The following TG variants were observed in gnomAD, a reference collection of about 807,000 sequenced individuals.
TG encodes thyroglobulin.
In TG, 270 loss-of-function variants were observed where a neutral mutation model predicts 324.7. That is an observed-to-expected ratio of 0.83 (90% CI 0.75 to 0.92). TG has a LOEUF of 0.92. Ranked by LOEUF, TG falls within the 40% of genes least tolerant of loss-of-function variation. The probability of loss-of-function intolerance (pLI) is 0.00; values close to 1 mark genes in which losing one functional copy is unlikely to be tolerated. For missense variants in TG, 3,591 were observed against 3,456.4 expected (o/e 1.04, Z -0.98); for synonymous variants, 1,401 against 1,327.0 (o/e 1.06, Z -1.21).
In TG at chr8:133,095,126, G is replaced by T. The variant is rs984956668; in HGVS notation, c.7322G>T (p.Ser2441Ile). The T allele has an allele frequency of 1.2e-6, 2 of 1,614,214 alleles. No individual in the cohort carries two copies. The highest frequency in any genetic ancestry group is 2.2e-5 in the South Asian group (2 of 91,088). The change falls in exon 42 of 48, where the codon AGT becomes ATT. Residue 2441 changes from serine to isoleucine, a missense_variant. Physicochemically the swap from Ser to Ile is moderately radical, Grantham distance 142. Transcript: ENST00000220616. The stretch of plus-strand genomic sequence containing the variant: ...GCAATTGCTTTGGCAAAGGAGGTCA[G>T]TTGCCCCATGTCATCCAGCCAAGAA... Reference protein sequence around the residue: ...QQAIALAKEVSCPMSSSQEVV... With the variant: ...QQAIALAKEVICPMSSSQEVV...
At chr8:133,042,050 G>A (rs573948637) in intron 41 of TG, among the ~76,000 whole-genome samples, 3 of 152,000 alleles carry the variant, frequency 2.0e-5, no homozygotes, top group East Asian at 3.9e-4. Context: ...GCCTCCCAAA[G>A]TGCTGGGATT....
At chr8:133,086,791 A>G (rs1351991793) in intron 41 of TG, among the ~76,000 whole-genome samples, 1 of 152,166 alleles carries the variant, frequency 6.6e-6, no homozygotes, top group South Asian at 2.1e-4. Context: ...CAATATTGTT[A>G]TGTTCCTTAC....
intron 11 of TG, among the ~76,000 whole-genome samples, chr8:132,896,316 G>A (rs983256150): frequency 6.6e-6 from 1 of 152,206 alleles, no homozygotes; most frequent in Non-Finnish European, 1.5e-5. Flanking sequence ...CACTGTATGG[G>A]GCTGCTTCAG....
chr8:132,869,675 C>CA, intron 2 of TG, 54 bp from the exon 3 acceptor site: 1 of 1,453,424 alleles, frequency 6.9e-7, no homozygotes, highest in South Asian at 1.1e-5. Flanking sequence ...TGGGAGCCGG[C>CA]ATGTGGCTTT....
intron 40 of TG, among the ~76,000 whole-genome samples, chr8:133,023,092 G>T (rs547629162): frequency 6.6e-6 from 1 of 152,280 alleles, no homozygotes; most frequent in African/African-American, 2.4e-5. Flanking sequence ...CTAAGTGTGG[G>T]TGGGTGAATG....
At chr8:132,983,552 A>G in intron 35 of TG, 140 bp downstream of exon 35, 1 of 866,590 alleles carries the variant, frequency 1.2e-6, no homozygotes, top group Non-Finnish European at 2.0e-6. Flanking sequence ...AATTAAACAC[A>G]TGTATAAGTG....
chr8:132,869,933 G>A (rs1839327678), intron 3 of TG, 107 bp downstream of exon 3: 2 of 921,024 alleles, frequency 2.2e-6, no homozygotes, highest in South Asian at 3.0e-5. Flanking sequence ...CTCCCTCTGG[G>A]CTGCTGGCTT....
chr8:132,888,594 A>AAT, intron 10 of TG, 26 bp downstream of exon 10: 1 of 1,460,040 alleles, frequency 6.8e-7, no homozygotes, highest in Non-Finnish European at 9.3e-7. Flanking sequence ...TGAAGAGTTA[A>AAT]ATGTGTGTGT....
chr8:132,932,800 CCTTGCAGGGCTG>C (rs772876381), intron 23 of TG, among the ~76,000 whole-genome samples: 7 of 152,184 alleles, frequency 4.6e-5, no homozygotes, highest in Non-Finnish European at 8.8e-5. Flanking sequence ...TCATTCAATC[CCTTGCAGGGCTG>C]CTGTCTGCTC....
chr8:132,902,725 C>A (rs1253473966), intron 16 of TG, among the ~76,000 whole-genome samples: 1 of 152,158 alleles, frequency 6.6e-6, no homozygotes, highest in Non-Finnish European at 1.5e-5. Context: ...ATCCAACTTC[C>A]AGGTCATCTA....
chr8:132,896,837 A>C (rs922595739), intron 11 of TG, among the ~76,000 whole-genome samples: 15 of 152,164 alleles, frequency 9.9e-5, no homozygotes, highest in African/African-American at 3.6e-4. Flanking sequence ...CAAATCTAAC[A>C]CAATAAATGG....
rs534203342 is a variant in TG, at chr8:132,994,681, G to A, written c.6262+11269G>A. 2.2e-5 allele frequency: 28 copies of A among 1,287,142 alleles called. No homozygotes were observed. In the South Asian group the frequency reaches 3.2e-4, roughly 15 times the overall value. 79.7% of individuals were successfully genotyped at this position (1,287,142 alleles called of 1,614,324 possible). On this transcript the variant is annotated intron_variant, in intron 35 of 47. Coordinates refer to ENST00000220616, the MANE Select transcript of TG (RefSeq NM_003235.5). ...CTGACCTCCTGAAGGAACTCAGTTT[G>A]ACTTATTACAGAAGCATCTACCTCT...
At chr8:133,086,916 A>G (rs1193392883) in intron 41 of TG, among the ~76,000 whole-genome samples, 2 of 152,226 alleles carry the variant, frequency 1.3e-5, no homozygotes, top group African/African-American at 2.4e-5. Flanking sequence ...ATTCTCCCTA[A>G]TAACCTAAAA....
chr8:132,959,810 T>C (rs994137306), intron 27 of TG, among the ~76,000 whole-genome samples: 1 of 152,202 alleles, frequency 6.6e-6, no homozygotes, highest in Non-Finnish European at 1.5e-5. Context: ...AAGGAAGGTT[T>C]TTGTGCAAGC....
intron 29 of TG, among the ~76,000 whole-genome samples, chr8:132,964,275 C>T (rs992963384): frequency 6.6e-6 from 1 of 152,094 alleles, no homozygotes; most frequent in Non-Finnish European, 1.5e-5. Context: ...GCTTTCTTCC[C>T]TCTCCCCTAG....
Position 132,887,361 on chromosome 8 carries a change from A to G in TG, c.1989A>G (p.Glu663=), listed in dbSNP as rs746584380. The change falls in exon 9 of 48, where the codon GAA becomes GAG. Residue 663 remains glutamate, a synonymous_variant. Coordinates refer to ENST00000220616, the MANE Select transcript of TG (RefSeq NM_003235.5). ...AGCCAAGGTGCCCCACAGACTGTGAAAAGCAAAGGGCTCGCATGCAAAGCC... is the reference window on the plus strand; with the variant it reads ...AGCCAAGGTGCCCCACAGACTGTGAGAAGCAAAGGGCTCGCATGCAAAGCC... ...GGQPRCPTDC[E]KQRARMQSLM... The G allele has an allele frequency of 7.4e-6, 12 of 1,613,968 alleles. No homozygotes were observed. Among genetic ancestry groups the G allele is most frequent in the Non-Finnish European group, 1.0e-5 (12 of 1,179,844 alleles).
chr8:133,029,070 G>A (rs1836373716), intron 40 of TG, among the ~76,000 whole-genome samples: 1 of 152,164 alleles, frequency 6.6e-6, no homozygotes, highest in Admixed American at 6.5e-5. Context: ...ACAAGAATGA[G>A]ATCTGGTGTT....
At position 132,898,801 on chromosome 8, in the gene TG, C is replaced by A. The variant is rs145085612; in HGVS notation, c.3221C>A (p.Pro1074Gln). The change falls in exon 14 of 48, where the codon CCG becomes CAG. Residue 1074 changes from proline to glutamine, a missense_variant. Physicochemically the swap from Pro to Gln is moderately conservative, Grantham distance 76. Coordinates refer to ENST00000220616, the MANE Select transcript of TG (RefSeq NM_003235.5). ...CAAGCACCTCTCTCTCCCACAGGCC[C>A]GACAACCTGCGAGAAATCTCGAACC... The part of the protein sequence containing the change: ...TARSLQIPQC[P>Q]TTCEKSRTSG... 1 of 1,613,862 alleles carries A rather than the reference C, an allele frequency of 6.2e-7. No homozygotes were observed. The highest frequency in any genetic ancestry group is 1.3e-5 in the African/African-American group (1 of 74,900).
chr8:132,932,642 C>T (rs561901407), intron 23 of TG, among the ~76,000 whole-genome samples: 4 of 152,340 alleles, frequency 2.6e-5, no homozygotes, highest in South Asian at 2.1e-4. Flanking sequence ...TAATTGCCAT[C>T]GTTACTCATG....
Sources: gnomAD v4.1 joint callset for allele counts (sites outside exome capture counted in the v4.1 genomes callset) on GRCh38, gnomAD v4.1.1 for gene constraint, MANE v1.5 for transcripts, NCBI Gene and HGNC (gene_info 2026-07-23, HGNC 2026-07-21) for gene names.